The following SLC4A5 variants were observed in gnomAD, a reference collection of about 807,000 sequenced individuals.
SLC4A5 encodes the protein electrogenic sodium bicarbonate cotransporter 4.
A neutral mutation model predicts 120.4 loss-of-function variants in SLC4A5; 96 were observed. The ratio of observed to expected loss-of-function variants is 0.80; its 90% CI spans 0.68 to 0.94. The LOEUF is 0.94. Ranked by LOEUF, SLC4A5 falls within the 40% of genes least tolerant of loss-of-function variation. The pLI is 0.00. For missense variants in SLC4A5, 1,259 were observed against 1,459.5 expected, an observed-to-expected ratio of 0.86 and a Z score of 2.24; for synonymous variants, 550 against 571.1, an observed-to-expected ratio of 0.96 and a Z score of 0.53.
intron 30 of SLC4A5, among the ~76,000 whole-genome samples, chr2:74,220,325 CCA>C (rs1445388943): frequency 6.7e-6 from 1 of 149,324 alleles, no homozygotes; most frequent in East Asian, 1.9e-4. Flanking sequence ...GTTCCCATCT[CCA>C]GTTGATCTCT....
intron 27 of SLC4A5, among the ~76,000 whole-genome samples, chr2:74,225,490 G>C (rs975119763): frequency 2.0e-5 from 3 of 152,318 alleles, no homozygotes; most frequent in South Asian, 2.1e-4. Context: ...CAGCTGCTCA[G>C]GAGACTGAGG....
At chr2:74,245,378 A>T (rs1475369892) in intron 19 of SLC4A5, among the ~76,000 whole-genome samples, 2 of 152,206 alleles carry the variant, frequency 1.3e-5, no homozygotes, top group Non-Finnish European at 2.9e-5. Context: ...GAGATCAAGG[A>T]TGTGTGCTTC....
At chr2:74,242,428 T>C (rs180884103) in intron 19 of SLC4A5, among the ~76,000 whole-genome samples, 39 of 152,364 alleles carry the variant, frequency 2.6e-4, no homozygotes, top group African/African-American at 8.7e-4. Context: ...ACTTACTCTA[T>C]GCCATGCCCT....
chr2:74,234,834 A>G (rs564990501), intron 22 of SLC4A5, among the ~76,000 whole-genome samples: 2 of 152,306 alleles, frequency 1.3e-5, no homozygotes, highest in Non-Finnish European at 2.9e-5. Context: ...AGGAATCAAG[A>G]GGCTTCTGCT....
intron 8 of SLC4A5, among the ~76,000 whole-genome samples, chr2:74,272,117 A>C (rs1383076875): frequency 6.6e-6 from 1 of 152,126 alleles, no homozygotes. Context: ...TAGAGACATA[A>C]TGAAATATTT....
Position 74,285,754 on chromosome 2 carries a change from T to C in SLC4A5, c.401+19A>G. The C allele has an allele frequency of 6.2e-7, 1 of 1,606,732 alleles. No individual in the cohort carries two copies. The highest frequency in any genetic ancestry group is 1.3e-5 in the African/African-American group (1 of 74,878). ...TGTGAGACTGAAGTGCCCACCTCCC[T>C]CGTGGGGCCCCGCCTCACCTGGCTG... is the stretch of plus-strand genomic sequence containing the variant. On this transcript the variant is annotated intron_variant, in intron 8 of 30. Coordinates refer to ENST00000394019, the Ensembl canonical transcript of SLC4A5.
chr2:74,312,208 CCTAT>C (rs1377212140), intron 6 of SLC4A5, among the ~76,000 whole-genome samples: 7 of 151,194 alleles, frequency 4.6e-5, no homozygotes, highest in South Asian at 2.1e-4. Flanking sequence ...TATATCTATA[CCTAT>C]CTATCTATAT....
chr2:74,220,204 CT>C (rs2103861361), intron 30 of SLC4A5, among the ~76,000 whole-genome samples: 1 of 152,346 alleles, frequency 6.6e-6, no homozygotes, highest in Non-Finnish European at 1.5e-5. Context: ...TTTGCCCCCA[CT>C]ATGTCATCAT....
chr2:74,326,152 A>C (rs180680165), intron 5 of SLC4A5, among the ~76,000 whole-genome samples: 24 of 152,140 alleles, frequency 1.6e-4, no homozygotes, highest in South Asian at 6.2e-4. Context: ...AAAATAAAAA[A>C]ATTTTAAAAA....
chr2:74,288,504 G>A (rs149757960), intron 7 of SLC4A5, among the ~76,000 whole-genome samples: 4 of 152,256 alleles, frequency 2.6e-5, no homozygotes, highest in Non-Finnish European at 5.9e-5. Context: ...GTGACTTATG[G>A]CTCTTATAAC....
At chr2:74,254,521 G>T in intron 14 of SLC4A5, 98 bp downstream of exon 14, 1 of 899,230 alleles carries the variant, frequency 1.1e-6, no homozygotes, top group Non-Finnish European at 1.9e-6. Context: ...CACAGTAGGT[G>T]CTCAAATGTG....
chr2:74,274,835 G>A (rs1458638590), intron 8 of SLC4A5, among the ~76,000 whole-genome samples: 39 of 152,320 alleles, frequency 2.6e-4, no homozygotes, highest in Non-Finnish European at 7.3e-5. Flanking sequence ...GATATACAGG[G>A]TAAGCCAAAT....
At chr2:74,316,133 A>G (rs912326507) in intron 5 of SLC4A5, among the ~76,000 whole-genome samples, 4 of 152,020 alleles carry the variant, frequency 2.6e-5, no homozygotes, top group South Asian at 2.1e-4. Flanking sequence ...TTCTGGAACT[A>G]TAGCCCTCAG....
At chr2:74,292,920 G>A (rs1221811374) in intron 7 of SLC4A5, among the ~76,000 whole-genome samples, 2 of 152,102 alleles carry the variant, frequency 1.3e-5, no homozygotes, top group African/African-American at 2.4e-5. Context: ...CGCACTGCTG[G>A]CCCCTGACAT....
At chr2:74,316,458 AG>A (rs1672968784) in intron 5 of SLC4A5, among the ~76,000 whole-genome samples, 1 of 152,106 alleles carries the variant, frequency 6.6e-6, no homozygotes, top group African/African-American at 2.4e-5. Flanking sequence ...TGGCCAAGAC[AG>A]GATAGGAGGT....
At chr2:74,223,503 G>GT (rs1290632613) in intron 28 of SLC4A5, among the ~76,000 whole-genome samples, 1 of 152,172 alleles carries the variant, frequency 6.6e-6, no homozygotes, top group Non-Finnish European at 1.5e-5. Context: ...CATCAAAACA[G>GT]TTTTATCTGT....
chr2:74,305,442 T>C (rs10182348), intron 6 of SLC4A5, among the ~76,000 whole-genome samples: 33,465 of 152,092 alleles, frequency 0.22, 5,335 homozygotes, highest in East Asian at 0.47. Context: ...TCGACCCTAA[T>C]CCTACCTCTG....
At chr2:74,256,956 A>G (rs1193130995) in intron 12 of SLC4A5, among the ~76,000 whole-genome samples, 1 of 152,148 alleles carries the variant, frequency 6.6e-6, no homozygotes, top group Non-Finnish European at 1.5e-5. Flanking sequence ...GCCTGTGAAC[A>G]TCACAATTTT....
At chr2:74,250,096 C>T (rs754216658) in intron 17 of SLC4A5, among the ~76,000 whole-genome samples, 1 of 152,112 alleles carries the variant, frequency 6.6e-6, no homozygotes, top group African/African-American at 2.4e-5. Context: ...AGATGATTCC[C>T]CTTAACGGTT....
Sources: gnomAD v4.1 joint callset for allele counts (sites outside exome capture counted in the v4.1 genomes callset) on GRCh38, gnomAD v4.1.1 for gene constraint, MANE v1.5 for transcripts, NCBI Gene and HGNC (gene_info 2026-07-23, HGNC 2026-07-21) for gene names.